Variants in SLC38A6 observed in about 807,000 individuals in gnomAD.
SLC38A6 encodes the protein N system amino acid transporter NAT-1.
In SLC38A6, 73 loss-of-function variants were observed where a neutral mutation model predicts 65.0. The observed-to-expected ratio is 1.12, with a 90% CI of 0.93 to 1.37. SLC38A6 has a LOEUF of 1.37. Among genes scored for constraint, SLC38A6 ranks in the 40% most tolerant of loss-of-function variants. The pLI is 0.00. For synonymous variants in SLC38A6, 183 were observed against 178.8 expected (o/e 1.02, Z -0.19); for missense variants, 561 against 531.1 (o/e 1.06, Z -0.55).
At chr14:61,025,505 G>A (rs1388384885) in intron 5 of SLC38A6, among the ~76,000 whole-genome samples, 1 of 152,130 alleles carries the variant, frequency 6.6e-6, no homozygotes, top group Non-Finnish European at 1.5e-5. Flanking sequence ...CCTTAGAATA[G>A]GAGAGGTACA....
Position 61,015,888 on chromosome 14 carries a change from T to G in SLC38A6, c.311-16T>G. 1 of 1,595,660 alleles carries G rather than the reference T, an allele frequency of 6.3e-7. No individual in the cohort carries two copies. The highest frequency in any genetic ancestry group is 8.5e-7 in the Non-Finnish European group (1 of 1,173,392). On this transcript the variant is annotated splice_polypyrimidine_tract_variant and intron_variant, in intron 3 of 15. Transcript: ENST00000267488. ...TAGTTTTGTGTAAAAGTGAACATTG[T>G]AATTTCTCTTAACAGCTGTAACATC... is the stretch of plus-strand genomic sequence containing the variant.
At chr14:61,019,940 C>T (rs895768171) in intron 5 of SLC38A6, among the ~76,000 whole-genome samples, 6 of 152,098 alleles carry the variant, frequency 3.9e-5, no homozygotes, top group African/African-American at 7.2e-5. Context: ...TTGGCAGATA[C>T]TACTTTAGAG....
intron 7 of SLC38A6, 123 bp from the exon 8 acceptor site, chr14:61,037,502 C>T (rs935884354): frequency 1.5e-6 from 1 of 659,044 alleles, no homozygotes; most frequent in Non-Finnish European, 2.6e-6. Context: ...TGTTGTTATT[C>T]TGAGCCCTAA....
chr14:61,073,810 A>T (rs1012854671), intron 15 of SLC38A6: 2 of 152,020 alleles, frequency 1.3e-5, no homozygotes, highest in Non-Finnish European at 2.9e-5. Flanking sequence ...GGGTCCACTT[A>T]TATGGGGATT....
intron 2 of SLC38A6, 48 bp from the exon 3 acceptor site, chr14:60,984,682 A>G (rs1211564559): frequency 1.3e-6 from 2 of 1,574,456 alleles, no homozygotes. Context: ...CACCATACAA[A>G]AGACAAACTT....
At chr14:61,045,967 G>T (rs1351685064) in intron 11 of SLC38A6, 100 bp from the exon 12 acceptor site, 8 of 646,000 alleles carry the variant, frequency 1.2e-5, no homozygotes, top group Non-Finnish European at 2.2e-5. Context: ...TGATGGAGTT[G>T]TTCTTGAATG....
At chr14:60,991,477 C>A (rs2037881503) in intron 3 of SLC38A6, among the ~76,000 whole-genome samples, 1 of 152,006 alleles carries the variant, frequency 6.6e-6, no homozygotes, top group Non-Finnish European at 1.5e-5. Flanking sequence ...AGTAACTTGT[C>A]CAAGAGAGGT....
At chr14:61,045,661 G>A (rs2042095560) in intron 11 of SLC38A6, among the ~76,000 whole-genome samples, 1 of 151,898 alleles carries the variant, frequency 6.6e-6, no homozygotes, top group Non-Finnish European at 1.5e-5. Flanking sequence ...AGGCAGGCGG[G>A]TCACCTGAGG....
intron 15 of SLC38A6, among the ~76,000 whole-genome samples, chr14:61,078,119 C>T (rs1427789261): frequency 1.3e-5 from 2 of 152,180 alleles, no homozygotes; most frequent in African/African-American, 4.8e-5. Context: ...GTGGCTATTG[C>T]ATGTGCCACA....
At chr14:61,025,829 C>T (rs144247029) in intron 5 of SLC38A6, among the ~76,000 whole-genome samples, 12 of 152,084 alleles carry the variant, frequency 7.9e-5, no homozygotes, top group African/African-American at 1.2e-4. Context: ...TTTGTGGGAC[C>T]ACCAGATTAA....
At chr14:61,009,715 CATT>C in intron 3 of SLC38A6, among the ~76,000 whole-genome samples, 1 of 152,294 alleles carries the variant, frequency 6.6e-6, no homozygotes, top group East Asian at 1.9e-4. Context: ...ATGCACTCAT[CATT>C]TTTTATGGCT....
rs1035733840 is a variant in SLC38A6 at position 61,019,350 on chromosome 14, A to G, written c.364-191A>G. On this transcript the variant is annotated intron_variant, in intron 4 of 15. Transcript: ENST00000267488. ...ACTTCTTTATAGTAACTTTGGAACT[A>G]TTAAAGAAATACTTTTTAATGTGAT... Among the ~76,000 whole-genome samples the G allele has an allele frequency of 2.0e-5, 3 of 152,236 alleles. No homozygotes were observed. In the South Asian group the frequency reaches 6.2e-4, roughly 31 times the overall value.
Position 61,037,621 on chromosome 14 carries a change from A to G in SLC38A6, c.566-4A>G. On this transcript the variant is annotated splice_region_variant and splice_polypyrimidine_tract_variant and intron_variant, in intron 7 of 15. Coordinates refer to ENST00000267488, the MANE Select transcript of SLC38A6 (RefSeq NM_153811.3). ...TTGCTTTTTATTTTACTGTTATTTT[A>G]CAGGCTTTCTTGGCTACACAAGTAG... 1 of 1,584,084 alleles carries G rather than the reference A, an allele frequency of 6.3e-7. No homozygotes were observed. Among genetic ancestry groups the G allele is most frequent in the Middle Eastern group, 1.7e-4 (1 of 5,966 alleles).
chr14:61,065,971 T>G (rs1176515467), intron 15 of SLC38A6, among the ~76,000 whole-genome samples: 2 of 150,878 alleles, frequency 1.3e-5, no homozygotes, highest in African/African-American at 2.5e-5. Flanking sequence ...GGACTCAAAC[T>G]GAATTAATTT....
intron 3 of SLC38A6, among the ~76,000 whole-genome samples, chr14:61,000,352 A>C (rs2038620197): frequency 2.0e-5 from 3 of 152,232 alleles, no homozygotes; most frequent in Admixed American, 2.0e-4. Context: ...ATTCTTGGGC[A>C]GGCCCAGTGG....
intron 3 of SLC38A6, among the ~76,000 whole-genome samples, chr14:61,010,473 A>G (rs1450395527): frequency 2.6e-5 from 4 of 152,218 alleles, no homozygotes; most frequent in East Asian, 3.8e-4. Flanking sequence ...TATGTCCTGA[A>G]TGGTATTGCC....
At chr14:61,016,296 G>T (rs929025879) in intron 4 of SLC38A6, among the ~76,000 whole-genome samples, 2 of 152,084 alleles carry the variant, frequency 1.3e-5, no homozygotes, top group African/African-American at 4.8e-5. Flanking sequence ...CCCTCATAAA[G>T]ACAAGAAAAG....
intron 11 of SLC38A6, 131 bp downstream of exon 11, chr14:61,045,556 A>T (rs2042087390): frequency 4.6e-6 from 3 of 656,894 alleles, no homozygotes; most frequent in Non-Finnish European, 7.6e-6. Context: ...AGTTTAAAAC[A>T]AAACAAACAA....
intron 15 of SLC38A6, among the ~76,000 whole-genome samples, chr14:61,069,626 C>T (rs985134888): frequency 6.6e-6 from 1 of 152,132 alleles, no homozygotes; most frequent in East Asian, 1.9e-4. Context: ...GCTCAAATCC[C>T]ACTTCTGTAA....
Sources: gnomAD v4.1 joint callset for allele counts (sites outside exome capture counted in the v4.1 genomes callset) on GRCh38, gnomAD v4.1.1 for gene constraint, MANE v1.5 for transcripts, NCBI Gene and HGNC (gene_info 2026-07-23, HGNC 2026-07-21) for gene names.